The following AUTS2 variants were observed in gnomAD, a reference collection of about 807,000 sequenced individuals.
AUTS2 encodes the protein autism susceptibility gene 2 protein.
In AUTS2, 17 loss-of-function variants were observed where a neutral mutation model predicts 112.4. The observed-to-expected ratio is 0.15, with a 90% CI of 0.10 to 0.23. The LOEUF is 0.23. Ranked by LOEUF, AUTS2 falls within the 10% of genes least tolerant of loss-of-function variation. The probability of loss-of-function intolerance (pLI) is 1.00; values close to 1 mark genes in which losing one functional copy is unlikely to be tolerated. For synonymous variants in AUTS2, 751 were observed against 702.7 expected (o/e 1.07, Z -1.09); for missense variants, 1,510 against 1,701.6 (o/e 0.89, Z 1.98).
chr7:70,729,264 C>A, intron 6 of AUTS2: 1 of 447,036 alleles, frequency 2.2e-6, no homozygotes, highest in Non-Finnish European at 4.5e-6. Context: ...CTGTTCCCCA[C>A]TACTCCTCTG....
rs1017455957 is a variant in AUTS2 at position 70,789,801 on chromosome 7, C to T, written c.2585C>T (p.Pro862Leu). Residue 862 changes from proline (P) to leucine (L), a missense_variant, in exon 19 of 19, where the codon CCG (proline) becomes CTG (leucine). Pro to Leu is a moderately conservative substitution (Grantham distance 98). Coordinates refer to ENST00000342771, the MANE Select transcript of AUTS2 (RefSeq NM_015570.4). ...SSHPSPAPVL[P>L]VNALGHTRSS... ...CACCCTTCACCAGCACCTGTCCTCC[C>T]GGTGAATGCCCTGGGACATACCCGC... The T allele has an allele frequency of 7.4e-6, 12 of 1,614,026 alleles. No individual in the cohort carries two copies. Among genetic ancestry groups the T allele is most frequent in the African/African-American group, 4.0e-5 (3 of 74,944 alleles).
chr7:70,005,532 C>T (rs921118514), intron 2 of AUTS2, among the ~76,000 whole-genome samples: 1 of 152,174 alleles, frequency 6.6e-6, no homozygotes, highest in Non-Finnish European at 1.5e-5. Flanking sequence ...AACCTCTGAA[C>T]AGAGGAATTA....
intron 6 of AUTS2, among the ~76,000 whole-genome samples, chr7:70,727,349 G>GT (rs934299032): frequency 8.5e-5 from 13 of 152,054 alleles, no homozygotes; most frequent in East Asian, 3.9e-4. Flanking sequence ...ACAGGGCTGG[G>GT]TTTTTTTTGT....
rs550750834 is a variant in AUTS2 at position 70,174,545 on chromosome 7, A to G, written c.660+39974A>G. Reference sequence around the variant, plus strand: ...AAGAAGATGCCACCTATGACTTTCAAAGCTAGAAAGGAGAAGTCCCATGCC... The same window carrying G: ...AAGAAGATGCCACCTATGACTTTCAGAGCTAGAAAGGAGAAGTCCCATGCC... On this transcript the variant is annotated intron_variant, in intron 4 of 18. Coordinates refer to ENST00000342771, the MANE Select transcript of AUTS2 (RefSeq NM_015570.4). 5.3e-5 allele frequency among the ~76,000 whole-genome samples: 8 copies of G among 152,328 alleles called. No individual in the cohort carries two copies. The South Asian group carries it at 1.0e-3, about 20-fold the overall frequency.
chr7:69,676,930 A>T (rs940808792), intron 1 of AUTS2, among the ~76,000 whole-genome samples: 3 of 151,862 alleles, frequency 2.0e-5, no homozygotes, highest in Admixed American at 1.3e-4. Context: ...TCATATGTAG[A>T]TGCTTTTCAA....
chr7:69,607,098 A>G (rs1004709164), intron 1 of AUTS2, among the ~76,000 whole-genome samples: 4 of 152,082 alleles, frequency 2.6e-5, no homozygotes, highest in African/African-American at 9.7e-5. Flanking sequence ...AGTTTTCTAG[A>G]ATTTGACTGC....
intron 1 of AUTS2, among the ~76,000 whole-genome samples, chr7:69,603,252 A>C (rs1792531169): frequency 6.6e-6 from 1 of 152,188 alleles, no homozygotes; most frequent in Non-Finnish European, 1.5e-5. Flanking sequence ...GTGGAGTAGC[A>C]TACTTTGTGT....
intron 5 of AUTS2, among the ~76,000 whole-genome samples, chr7:70,444,961 C>T (rs761292213): frequency 3.3e-5 from 5 of 152,142 alleles, no homozygotes; most frequent in African/African-American, 9.6e-5. Context: ...CTAATGTCTT[C>T]GGTCAGTGAA....
chr7:69,834,210 G>A (rs1208449310), intron 1 of AUTS2, among the ~76,000 whole-genome samples: 1 of 152,112 alleles, frequency 6.6e-6, no homozygotes, highest in African/African-American at 2.4e-5. Flanking sequence ...TGTGGGCTTA[G>A]GAAAACAGTC....
chr7:70,191,166 T>C lies in AUTS2; in HGVS notation c.660+56595T>C, dbSNP rs1023337800. Among the ~76,000 whole-genome samples, 5 of 137,594 alleles carry C rather than the reference T, an allele frequency of 3.6e-5. No individual in the cohort carries two copies. The East Asian group carries it at 6.1e-4, about 17-fold the overall frequency. 90.3% of individuals were successfully genotyped at this position (137,594 alleles called of 152,430 possible). On this transcript the variant is annotated intron_variant, in intron 4 of 18. Coordinates refer to ENST00000342771, the MANE Select transcript of AUTS2 (RefSeq NM_015570.4). Reference sequence around the variant, plus strand: ...CAAATGTCATCCACTTATTTCTTTTTTTTTTTTTTTTTTTTTTTTTGAGAC... The same window carrying C: ...CAAATGTCATCCACTTATTTCTTTTCTTTTTTTTTTTTTTTTTTTTGAGAC...
At chr7:70,212,867 C>T (rs551978096) in intron 4 of AUTS2, among the ~76,000 whole-genome samples, 2 of 152,108 alleles carry the variant, frequency 1.3e-5, no homozygotes, top group South Asian at 4.2e-4. Flanking sequence ...ATGTCTCAAA[C>T]TTGGGACTTT....
intron 5 of AUTS2, among the ~76,000 whole-genome samples, chr7:70,607,315 A>T (rs1024263943): frequency 1.3e-5 from 2 of 152,102 alleles, no homozygotes; most frequent in Non-Finnish European, 2.9e-5. Flanking sequence ...CTGTGTTGGG[A>T]TATATGATCA....
At chr7:70,739,167 T>C (rs1787955105) in intron 6 of AUTS2, among the ~76,000 whole-genome samples, 1 of 151,554 alleles carries the variant, frequency 6.6e-6, no homozygotes, top group East Asian at 1.9e-4. Context: ...GGTGGGACCA[T>C]AGGTGTGCAC....
At chr7:69,731,260 C>G (rs1271398857) in intron 1 of AUTS2, among the ~76,000 whole-genome samples, 3 of 152,136 alleles carry the variant, frequency 2.0e-5, no homozygotes, top group Non-Finnish European at 4.4e-5. Context: ...ACACTGCACT[C>G]TAGCCTGGAA....
At chr7:69,783,349 G>T (rs989719487) in intron 1 of AUTS2, among the ~76,000 whole-genome samples, 14 of 152,134 alleles carry the variant, frequency 9.2e-5, no homozygotes, top group Middle Eastern at 3.4e-3. Flanking sequence ...TTCTACTGTG[G>T]TCCTTGTAAC....
At chr7:70,346,870 G>T (rs1315704799) in intron 4 of AUTS2, among the ~76,000 whole-genome samples, 1 of 152,216 alleles carries the variant, frequency 6.6e-6, no homozygotes, top group East Asian at 1.9e-4. Flanking sequence ...TGAATAGGTA[G>T]AGATAAGTGG....
intron 4 of AUTS2, among the ~76,000 whole-genome samples, chr7:70,219,669 T>C (rs182372304): frequency 6.6e-4 from 100 of 151,974 alleles, no homozygotes; most frequent in African/African-American, 2.3e-3. Flanking sequence ...CCTCCCGGGT[T>C]CAAGCGATTC....
chr7:70,027,418 G>A (rs575954466), intron 2 of AUTS2, among the ~76,000 whole-genome samples: 12 of 152,006 alleles, frequency 7.9e-5, no homozygotes, highest in East Asian at 1.9e-4. Context: ...CTCACTTCTC[G>A]TGTTTCCTTG....
intron 2 of AUTS2, among the ~76,000 whole-genome samples, chr7:69,962,609 C>T (rs1043894117): frequency 2.0e-5 from 3 of 151,962 alleles, no homozygotes; most frequent in South Asian, 2.1e-4. Context: ...GTTTCATTTG[C>T]AAATTCTTTC....
Sources: allele counts gnomAD v4.1 joint callset (sites outside exome capture counted in the v4.1 genomes callset), GRCh38; gene constraint gnomAD v4.1.1; transcripts MANE v1.5; gene names NCBI Gene and HGNC (gene_info 2026-07-23, HGNC 2026-07-21).